Variants in ENOX1 observed in about 807,000 individuals in gnomAD.
ENOX1 encodes ecto-NOX disulfide-thiol exchanger 1, also known as candidate growth-related and time keeping constitutive hydroquinone (NADH) oxidase.
ENOX1 carries 42 observed loss-of-function variants against 82.5 expected under a neutral mutation model. The observed-to-expected ratio is 0.51, with a 90% CI of 0.40 to 0.66. The LOEUF (loss-of-function observed/expected upper bound fraction) is 0.66. Among genes scored for constraint, ENOX1 ranks in the 30% least tolerant of loss-of-function variants. The probability of loss-of-function intolerance (pLI) is 0.00; values close to 1 mark genes in which losing one functional copy is unlikely to be tolerated. For missense variants in ENOX1, 608 were observed against 811.6 expected (o/e 0.75, Z 3.05); for synonymous variants, 271 against 282.2 (o/e 0.96, Z 0.40).
chr13:43,315,995 T>C (rs61951890), intron 11 of ENOX1, among the ~76,000 whole-genome samples: 15,382 of 152,220 alleles, frequency 0.1, 928 homozygotes, highest in Middle Eastern at 0.15. Flanking sequence ...TACTCCCTGG[T>C]CATGCGTCTT....
chr13:43,740,542 T>C (rs536311582), intron 1 of ENOX1, among the ~76,000 whole-genome samples: 1 of 152,238 alleles, frequency 6.6e-6, no homozygotes, highest in African/African-American at 2.4e-5. Flanking sequence ...GGTAAACATG[T>C]CTCGTGGGGT....
At chr13:43,306,066 G>A (rs1004586915) in intron 11 of ENOX1, among the ~76,000 whole-genome samples, 1 of 152,200 alleles carries the variant, frequency 6.6e-6, no homozygotes, top group African/African-American at 2.4e-5. Flanking sequence ...TCCTCACACT[G>A]TGTAGTGGGA....
chr13:43,314,442 T>G (rs1423203044), intron 11 of ENOX1, among the ~76,000 whole-genome samples: 3 of 152,246 alleles, frequency 2.0e-5, no homozygotes, highest in Non-Finnish European at 4.4e-5. Flanking sequence ...TCTGTGTTCA[T>G]GCAGTATCCC....
intron 2 of ENOX1, among the ~76,000 whole-genome samples, chr13:43,597,040 A>C (rs764740496): frequency 6.6e-6 from 1 of 152,222 alleles, no homozygotes; most frequent in Non-Finnish European, 1.5e-5. Flanking sequence ...AGACCTCAGG[A>C]AACTTACAAT....
intron 2 of ENOX1, 55 bp from the exon 3 acceptor site, chr13:43,484,207 T>A: frequency 8.0e-5 from 69 of 860,642 alleles, no homozygotes; most frequent in Non-Finnish European, 8.5e-5. Context: ...CATTACTGCC[T>A]GTAATGGTAT....
At chr13:43,764,858 A>G (rs1951179854) in intron 1 of ENOX1, among the ~76,000 whole-genome samples, 1 of 152,226 alleles carries the variant, frequency 6.6e-6, no homozygotes, top group African/African-American at 2.4e-5. Flanking sequence ...GTCTCCTTCA[A>G]AATAATTACT....
intron 1 of ENOX1, among the ~76,000 whole-genome samples, chr13:43,670,989 A>G (rs1402350980): frequency 6.6e-6 from 1 of 152,162 alleles, no homozygotes; most frequent in Non-Finnish European, 1.5e-5. Flanking sequence ...GTCCCTACCC[A>G]AATCTCATCT....
intron 3 of ENOX1, among the ~76,000 whole-genome samples, chr13:43,413,639 T>C (rs200057418): frequency 1.8e-3 from 269 of 149,766 alleles, no homozygotes; most frequent in African/African-American, 6.4e-3. Flanking sequence ...ATAATTTAAC[T>C]GGCCACAACT....
chr13:43,253,131 T>C (rs911892392), intron 14 of ENOX1, among the ~76,000 whole-genome samples: 6 of 152,152 alleles, frequency 3.9e-5, no homozygotes, highest in Admixed American at 6.5e-5. Flanking sequence ...ATACCTTTGA[T>C]GCAAGCAGAT....
intron 3 of ENOX1, among the ~76,000 whole-genome samples, chr13:43,419,681 T>C (rs1421119149): frequency 1.3e-5 from 2 of 152,310 alleles, no homozygotes; most frequent in East Asian, 1.9e-4. Context: ...TTGTAAACAG[T>C]TGATACCAGG....
At position 43,213,620 on chromosome 13, in the gene ENOX1, A is replaced by G. The variant is rs561072021; in HGVS notation, c.*370T>C. 1 of 139,048 alleles carries G rather than the reference A, an allele frequency of 7.2e-6. No homozygotes were observed. Among genetic ancestry groups the G allele is most frequent in the Non-Finnish European group, 1.5e-5 (1 of 66,620 alleles). The allele number at this position is 139,048 out of a possible 1,614,324, so 8.6% of individuals were successfully genotyped here. A position where few individuals can be genotyped will look rare whatever the true frequency, so the allele number is the denominator to read the frequency against. ...TGTCATTTAATGATTTCAGCTATACATTACATATACAACTCTGTAGCCTAG... is the reference window on the plus strand; with the variant it reads ...TGTCATTTAATGATTTCAGCTATACGTTACATATACAACTCTGTAGCCTAG... On this transcript the variant is annotated 3_prime_UTR_variant, in exon 17 of 17. Transcript: ENST00000690772.
chr13:43,246,354 C>T (rs774563293), intron 14 of ENOX1, among the ~76,000 whole-genome samples: 5 of 152,202 alleles, frequency 3.3e-5, no homozygotes, highest in Admixed American at 6.5e-5. Context: ...GTGCCTGTGG[C>T]GCTCTGTGAC....
chr13:43,265,405 T>G lies in ENOX1; in HGVS notation c.1604A>C (p.Asp535Ala). 3.7e-6 allele frequency: 6 copies of G among 1,611,476 alleles called. No homozygotes were observed. Among genetic ancestry groups the G allele is most frequent in the Non-Finnish European group, 5.1e-6 (6 of 1,178,688 alleles). Residue 535 changes from aspartate to alanine, a missense_variant, in exon 14 of 17, where the codon GAT becomes GCT. Physicochemically the swap from Asp to Ala is moderately radical, Grantham distance 126. Coordinates refer to ENST00000690772, the MANE Select transcript of ENOX1 (RefSeq NM_001347969.2). The part of the protein sequence containing the change: ...LVETNGHSHE[D>A]SNEINVLTVA... ...CAGGTTTGTGGTACCTACATTTGAA[T>G]CCTCATGGCTGTGGCCATTGGTCTC...
intron 3 of ENOX1, among the ~76,000 whole-genome samples, chr13:43,414,318 C>T (rs1463929943): frequency 6.6e-6 from 1 of 152,122 alleles, no homozygotes; most frequent in African/African-American, 2.4e-5. Context: ...AATTTTTTTC[C>T]AATTGTCTGT....
intron 16 of ENOX1, 109 bp downstream of exon 16, chr13:43,223,944 C>G: frequency 1.4e-6 from 1 of 738,214 alleles, no homozygotes; most frequent in South Asian, 1.8e-5. Context: ...GCTGATCAAC[C>G]CCCATAGGCT....
chr13:43,708,830 A>C (rs1387415598), intron 1 of ENOX1, among the ~76,000 whole-genome samples: 3 of 152,226 alleles, frequency 2.0e-5, no homozygotes, highest in African/African-American at 7.2e-5. Context: ...GATGGTAAAG[A>C]TCTTTCCATA....
At chr13:43,608,422 G>C (rs1376694434) in intron 2 of ENOX1, among the ~76,000 whole-genome samples, 1 of 152,182 alleles carries the variant, frequency 6.6e-6, no homozygotes, top group East Asian at 1.9e-4. Context: ...CCAATGAAAA[G>C]ATGAAACTCA....
intron 5 of ENOX1, among the ~76,000 whole-genome samples, chr13:43,386,604 C>T (rs2052424252): frequency 6.6e-6 from 1 of 152,144 alleles, no homozygotes; most frequent in East Asian, 1.9e-4. Context: ...CACTTTTAGC[C>T]ACCCATTGTT....
chr13:43,259,508 G>A (rs2043935254), intron 14 of ENOX1, among the ~76,000 whole-genome samples: 1 of 152,160 alleles, frequency 6.6e-6, no homozygotes, highest in Non-Finnish European at 1.5e-5. Context: ...TCTTGCTGTA[G>A]CCCAGGCTGG....
Sources: gnomAD v4.1 joint callset for allele counts (sites outside exome capture counted in the v4.1 genomes callset) on GRCh38, gnomAD v4.1.1 for gene constraint, MANE v1.5 for transcripts, NCBI Gene and HGNC (gene_info 2026-07-23, HGNC 2026-07-21) for gene names.